Variants in ZFC3H1 observed in about 807,000 individuals in gnomAD.
The protein encoded by ZFC3H1 is zinc finger C3H1 domain-containing protein.
A neutral mutation model predicts 243.7 loss-of-function variants in ZFC3H1; 71 were observed. The ratio of observed to expected loss-of-function variants is 0.29; its 90% CI spans 0.24 to 0.36. The LOEUF (loss-of-function observed/expected upper bound fraction) is 0.36. Among genes scored for constraint, ZFC3H1 ranks in the 10% least tolerant of loss-of-function variants. The pLI, the probability that ZFC3H1 is intolerant of heterozygous loss-of-function variation, is 1.00. For synonymous variants in ZFC3H1, 838 were observed against 813.0 expected, an observed-to-expected ratio of 1.03 and a Z score of -0.52; for missense variants, 1,966 against 2,317.1, an observed-to-expected ratio of 0.85 and a Z score of 3.11.
intron 21 of ZFC3H1, among the ~76,000 whole-genome samples, chr12:71,627,105 C>T (rs912109192): frequency 4.2e-5 from 6 of 141,952 alleles, no homozygotes; most frequent in Non-Finnish European, 7.8e-5. Context: ...TTAAGATAGT[C>T]AAATATTTCA....
intron 24 of ZFC3H1, among the ~76,000 whole-genome samples, chr12:71,623,020 A>G (rs918635959): frequency 1.6e-5 from 2 of 125,430 alleles, no homozygotes; most frequent in Non-Finnish European, 3.8e-5. Flanking sequence ...TTCCACCTTA[A>G]TGGACTGCTA....
At chr12:71,659,211 TCTTATCTCCTACAAGCCATC>T (rs1389694019) in intron 1 of ZFC3H1, among the ~76,000 whole-genome samples, 1 of 152,196 alleles carries the variant, frequency 6.6e-6, no homozygotes, top group Non-Finnish European at 1.5e-5. Context: ...AAGATATTTC[TCTTATCTCCTACAAGCCATC>T]CTTCATACTG....
In ZFC3H1 at chr12:71,618,063, G is replaced by C. The variant is rs186741710; in HGVS notation, c.5144+1252C>G. Among the ~76,000 whole-genome samples, 174 of 152,140 alleles carry C rather than the reference G, an allele frequency of 1.1e-3. 1 individual carries two copies. The highest frequency in any genetic ancestry group is 4.0e-3 in the African/African-American group (165 of 41,518). Reference sequence around the variant, plus strand: ...GCGGATTGCCTGAGCTCAGGAGTTCGAGACCATCCTGGGTAACACGGTGAA... The same window carrying C: ...GCGGATTGCCTGAGCTCAGGAGTTCCAGACCATCCTGGGTAACACGGTGAA... On this transcript the variant is annotated intron_variant, in intron 27 of 34. Transcript: ENST00000378743.
intron 33 of ZFC3H1, 77 bp downstream of exon 33, chr12:71,610,981 T>C: frequency 6.4e-7 from 1 of 1,560,852 alleles, no homozygotes; most frequent in East Asian, 2.2e-5. Context: ...GCTTTAATTC[T>C]TTTAAATTGA....
intron 12 of ZFC3H1, 52 bp downstream of exon 12, chr12:71,634,103 T>C: frequency 6.5e-7 from 1 of 1,547,096 alleles, no homozygotes; most frequent in East Asian, 2.3e-5. Context: ...ACCACAAAAA[T>C]GTATTTCTCT....
At chr12:71,619,045 C>T (rs577355847) in intron 27 of ZFC3H1, among the ~76,000 whole-genome samples, 2 of 152,180 alleles carry the variant, frequency 1.3e-5, no homozygotes, top group African/African-American at 2.4e-5. Flanking sequence ...AAATTAACAA[C>T]AATAACGATA....
At chr12:71,647,533 A>G (rs551756827) in intron 3 of ZFC3H1, among the ~76,000 whole-genome samples, 51 of 152,236 alleles carry the variant, frequency 3.4e-4, no homozygotes, top group African/African-American at 4.1e-4. Flanking sequence ...ATGAATATAT[A>G]TAACACTTTA....
chr12:71,623,544 A>T lies in ZFC3H1; in HGVS notation c.4560T>A (p.Ser1520Arg). Residue 1520 changes from serine (S) to arginine (R), a missense_variant, in exon 24 of 35, where the codon AGT (serine) becomes AGA (arginine). By Grantham distance (110) the Ser-to-Arg change is moderately radical (BLOSUM62 -1). This residue lies in a region of ZFC3H1 where 1,383 missense variants were observed against 1,723.7 expected (regional missense o/e 0.80). Transcript: ENST00000378743. ...AGGCCAACCATGCCAAACATCGATC[A>T]CTGGTTTTAAGGTATTCAGCTACTA... ...DGIVAEYLKT[S>R]DRCLAWLAYI... 6.2e-7 allele frequency: 1 copy of T among 1,613,752 alleles called. No homozygotes were observed. Among genetic ancestry groups the T allele is most frequent in the Non-Finnish European group, 8.5e-7 (1 of 1,179,838 alleles).
chr12:71,657,853 G>A (rs1225718206), intron 1 of ZFC3H1, among the ~76,000 whole-genome samples: 1 of 152,068 alleles, frequency 6.6e-6, no homozygotes, highest in Non-Finnish European at 1.5e-5. Context: ...GCCAGGCGTG[G>A]TGGTGCAGGC....
At position 71,614,944 on chromosome 12, in the gene ZFC3H1, T is replaced by C; in HGVS notation, c.5256-6A>G. ...ATTGAAGAGGATGACAAAGGCTGTT[T>C]AAAAAATGAAGGAAAACATATGTCT... On this transcript the variant is annotated splice_polypyrimidine_tract_variant and splice_region_variant and intron_variant, in intron 28 of 34. Transcript: ENST00000378743. 1 of 1,608,190 alleles carries C rather than the reference T, an allele frequency of 6.2e-7. No individual in the cohort carries two copies. The highest frequency in any genetic ancestry group is 8.5e-7 in the Non-Finnish European group (1 of 1,175,566).
In ZFC3H1 at chr12:71,636,496, C is replaced by T; in HGVS notation, c.2094G>A (p.Val698=). The stretch of plus-strand genomic sequence containing the variant: ...ATTAAATTTTTGTTTTTACCGAGAT[C>T]ACAGTTCGTGGAAGACGGGGTCCTC... ...FHRGPRLPRT[V]ISLPKHKSVV... The change falls in exon 9 of 35, where the codon GTG becomes GTA. Residue 698 remains valine (V), a synonymous_variant. Coordinates refer to ENST00000378743, the MANE Select transcript of ZFC3H1 (RefSeq NM_144982.5). 1.9e-6 allele frequency: 3 copies of T among 1,597,162 alleles called. No individual in the cohort carries two copies. Among genetic ancestry groups the T allele is most frequent in the Non-Finnish European group, 2.6e-6 (3 of 1,174,086 alleles).
chr12:71,660,703 G>A (rs1226926426), intron 1 of ZFC3H1, among the ~76,000 whole-genome samples: 4 of 151,978 alleles, frequency 2.6e-5, no homozygotes, highest in African/African-American at 4.8e-5. Flanking sequence ...AAAAACCTTT[G>A]AGCTCCCATA....
At position 71,615,402 on chromosome 12, in the gene ZFC3H1, C is replaced by T. The variant is rs1879871267; in HGVS notation, c.5145-86G>A. The T allele has an allele frequency of 4.6e-6, 4 of 867,096 alleles. No individual in the cohort carries two copies. The East Asian group carries it at 7.7e-5, about 17-fold the overall frequency. 53.7% of individuals were successfully genotyped at this position (867,096 alleles called of 1,614,324 possible). A position where few individuals can be genotyped will look rare whatever the true frequency, so the allele number is the denominator to read the frequency against. On this transcript the variant is annotated intron_variant, in intron 27 of 34. Transcript: ENST00000378743. ...ATATTTTTTAAAATCGTTAGTTTCA[C>T]TTAAATTTCATTGAAATATTTTTTT...
At chr12:71,614,988 G>A (rs764771075) in intron 28 of ZFC3H1, 50 bp from the exon 29 acceptor site, 8 of 1,445,406 alleles carry the variant, frequency 5.5e-6, no homozygotes, top group Non-Finnish European at 6.8e-6. Context: ...TTTCCATCAG[G>A]TGAAGGAATG....
Position 71,620,247 on chromosome 12 carries a change from A to G in ZFC3H1, c.4813T>C (p.Tyr1605His). Reference sequence around the variant, plus strand: ...TGGTGCAGAGCAATCATGTTTGTGTAAAGTGGAAGGCAGGCCTCTATTCTT... The same window carrying G: ...TGGTGCAGAGCAATCATGTTTGTGTGAAGTGGAAGGCAGGCCTCTATTCTT... ...EERIEACLPL[Y>H]TNMIALHQLL... Residue 1605 changes from tyrosine (Y) to histidine (H), a missense_variant, in exon 25 of 35, where the codon TAC becomes CAC. Around this residue, in one of 4 missense-constraint regions of ZFC3H1, gnomAD observed 1,383 missense variants for 1,723.7 expected, o/e 0.80. Transcript: ENST00000378743. 4 of 1,614,196 alleles carry G rather than the reference A, an allele frequency of 2.5e-6. No homozygotes were observed. Among genetic ancestry groups the G allele is most frequent in the Non-Finnish European group, 3.4e-6 (4 of 1,180,024 alleles).
rs774899528 is a variant in ZFC3H1 at position 71,632,204 on chromosome 12, C to T, written c.3128G>A (p.Arg1043Gln). 29 of 1,608,160 alleles carry T rather than the reference C, an allele frequency of 1.8e-5. No homozygotes were observed. The highest frequency in any genetic ancestry group is 4.5e-5 in the East Asian group (2 of 44,844). The stretch of plus-strand genomic sequence containing the variant: ...ATTGGATTCTAAAAAAGATCTTCTT[C>T]GCTCTCTGCTTGAACCAGACAAAAT... ...DEILSGSSRERRRSFLESNYF... is the reference protein window; with the variant it reads ...DEILSGSSREQRRSFLESNYF... The change falls in exon 15 of 35, where the codon CGA (arginine) becomes CAA (glutamine). Residue 1043 changes from arginine to glutamine, a missense_variant. Physicochemically the swap from Arg to Gln is conservative, Grantham distance 43 (BLOSUM62 1). Transcript: ENST00000378743.
In ZFC3H1 at chr12:71,609,643, C is replaced by G. The variant is rs11837486; in HGVS notation, c.*785G>C. 1 of 152,162 alleles carries G rather than the reference C, an allele frequency of 6.6e-6. No individual in the cohort carries two copies. The highest frequency in any genetic ancestry group is 1.5e-5 in the Non-Finnish European group (1 of 67,984). The allele number at this position is 152,162 out of a possible 1,614,324, so 9.4% of individuals were successfully genotyped here. A position where few individuals can be genotyped will look rare whatever the true frequency, so the allele number is the denominator to read the frequency against. On this transcript the variant is annotated 3_prime_UTR_variant, in exon 35 of 35. Transcript: ENST00000378743. Reference sequence around the variant, plus strand: ...TATTAAAAAAGTATATAAACAATTTCAATACTACAAAGTAGTATTTCAATA... The same window carrying G: ...TATTAAAAAAGTATATAAACAATTTGAATACTACAAAGTAGTATTTCAATA...
rs183795222 is a variant in ZFC3H1 at position 71,663,393 on chromosome 12, G to A, written c.218C>T (p.Ser73Phe). The A allele has an allele frequency of 8.7e-6, 14 of 1,612,178 alleles. No homozygotes were observed. Among genetic ancestry groups the A allele is most frequent in the Admixed American group, 1.7e-5 (1 of 60,026 alleles). Residue 73 changes from serine to phenylalanine, a missense_variant, in exon 1 of 35, where the codon TCC (serine) becomes TTC (phenylalanine). By Grantham distance (155) the Ser-to-Phe change is radical (BLOSUM62 -2). Transcript: ENST00000378743. Reference sequence around the variant, plus strand: ...CTGCTGAGAAGAGGACGATGACGAGGAAGAGCCACCGCCTCCGCCAGATCC... The same window carrying A: ...CTGCTGAGAAGAGGACGATGACGAGAAAGAGCCACCGCCTCCGCCAGATCC... ...GGGSGGGGGS[S>F]SSSSSSQQQL... is the part of the protein sequence containing the mutation.
At chr12:71,612,134 G>A (rs1879788431) in intron 31 of ZFC3H1, among the ~76,000 whole-genome samples, 1 of 152,018 alleles carries the variant, frequency 6.6e-6, no homozygotes, top group Non-Finnish European at 1.5e-5. Context: ...ATTTCTATAG[G>A]ACATGAAAGC....
Sources: allele counts gnomAD v4.1 joint callset (sites outside exome capture counted in the v4.1 genomes callset), GRCh38; gene constraint gnomAD v4.1.1; regional missense constraint gnomAD v4.1.1; transcripts MANE v1.5; gene names NCBI Gene and HGNC (gene_info 2026-07-23, HGNC 2026-07-21).